Variants in NAALADL2 observed in about 807,000 individuals in gnomAD.
NAALADL2 encodes N-acetylated alpha-linked acidic dipeptidase like 2, also known as inactive N-acetylated-alpha-linked acidic dipeptidase-like protein 2.
A neutral mutation model predicts 87.2 loss-of-function variants in NAALADL2; 76 were observed. The ratio of observed to expected loss-of-function variants is 0.87; its 90% CI spans 0.72 to 1.05. NAALADL2 has a LOEUF of 1.05. Among genes scored for constraint, NAALADL2 ranks in the 50% least tolerant of loss-of-function variants. The pLI is 0.00. For synonymous variants in NAALADL2, 354 were observed against 331.0 expected, an observed-to-expected ratio of 1.07 and a Z score of -0.75; for missense variants, 1,089 against 945.8, an observed-to-expected ratio of 1.15 and a Z score of -1.99.
At chr3:175,454,370 G>A (rs1289977727) in intron 6 of NAALADL2, among the ~76,000 whole-genome samples, 1 of 152,020 alleles carries the variant, frequency 6.6e-6, no homozygotes, top group Non-Finnish European at 1.5e-5. Flanking sequence ...ACTTCTTAGA[G>A]ATGCCATGCC....
intron 2 of NAALADL2, among the ~76,000 whole-genome samples, chr3:174,679,101 A>T (rs867049131): frequency 6.6e-6 from 1 of 152,070 alleles, no homozygotes; most frequent in Non-Finnish European, 1.5e-5. Context: ...ATGAGTTCTG[A>T]TAAATTCTCA....
intron 4 of NAALADL2, among the ~76,000 whole-genome samples, chr3:175,292,162 G>A (rs1755718328): frequency 6.6e-6 from 1 of 152,126 alleles, no homozygotes; most frequent in African/African-American, 2.4e-5. Flanking sequence ...AATGCACCAG[G>A]CATCAGTCTG....
chr3:174,924,738 T>G (rs986659157), intron 1 of NAALADL2, among the ~76,000 whole-genome samples: 1 of 152,190 alleles, frequency 6.6e-6, no homozygotes, highest in Non-Finnish European at 1.5e-5. Flanking sequence ...TTCCTGACTT[T>G]GTAATGATCA....
chr3:174,977,194 C>T (rs1408822640), intron 1 of NAALADL2, among the ~76,000 whole-genome samples: 1 of 152,178 alleles, frequency 6.6e-6, no homozygotes, highest in Non-Finnish European at 1.5e-5. Flanking sequence ...ATGTTGAACT[C>T]ATAGAAGTAG....
intron 2 of NAALADL2, chr3:175,218,091 A>G (rs772638361): frequency 1.3e-4 from 59 of 439,726 alleles, no homozygotes; most frequent in Non-Finnish European, 2.2e-4. Context: ...AATGAAGCAC[A>G]CTGGATGAAT....
chr3:174,707,516 A>G (rs1188611441), intron 2 of NAALADL2, among the ~76,000 whole-genome samples: 1 of 152,068 alleles, frequency 6.6e-6, no homozygotes, highest in African/African-American at 2.4e-5. Flanking sequence ...TGAAGCTGGA[A>G]ACCATCATTC....
chr3:175,595,341 G>A (rs1722107089), intron 10 of NAALADL2, among the ~76,000 whole-genome samples: 1 of 151,966 alleles, frequency 6.6e-6, no homozygotes, highest in African/African-American at 2.4e-5. Flanking sequence ...TTTCTATTCT[G>A]TTCCATTGGT....
At chr3:175,125,287 C>G (rs550765899) in intron 2 of NAALADL2, among the ~76,000 whole-genome samples, 1 of 151,748 alleles carries the variant, frequency 6.6e-6, no homozygotes, top group South Asian at 2.1e-4. Flanking sequence ...CATTGTAAGT[C>G]GAGTTTGTTT....
intron 5 of NAALADL2, among the ~76,000 whole-genome samples, chr3:175,333,924 C>A (rs1025088671): frequency 6.6e-6 from 1 of 152,072 alleles, no homozygotes; most frequent in Admixed American, 6.5e-5. Context: ...ATGCATGTAA[C>A]AAAATATCAC....
intron 1 of NAALADL2, among the ~76,000 whole-genome samples, chr3:174,518,330 C>G (rs565094473): frequency 3.3e-5 from 5 of 152,238 alleles, no homozygotes; most frequent in African/African-American, 1.2e-4. Flanking sequence ...TTAATACTTT[C>G]TGTTTAATAC....
intron 1 of NAALADL2, among the ~76,000 whole-genome samples, chr3:174,983,484 C>T (rs557085974): frequency 6.6e-5 from 10 of 152,210 alleles, no homozygotes; most frequent in South Asian, 6.2e-4. Flanking sequence ...ACCTTATAAA[C>T]GATGGAAATA....
chr3:175,718,482 G>A (rs577899833), intron 11 of NAALADL2: 48 of 1,584,480 alleles, frequency 3.0e-5, no homozygotes, highest in Middle Eastern at 1.9e-4. Context: ...CTGTATATTC[G>A]GTTTTCATAA....
chr3:175,009,181 A>G (rs1196305582), intron 1 of NAALADL2, among the ~76,000 whole-genome samples: 2 of 152,146 alleles, frequency 1.3e-5, no homozygotes. Context: ...AAGAATTTTC[A>G]TTTCTAACAC....
At chr3:174,490,325 C>T (rs568362365) in intron 1 of NAALADL2, among the ~76,000 whole-genome samples, 1 of 152,012 alleles carries the variant, frequency 6.6e-6, no homozygotes, top group Non-Finnish European at 1.5e-5. Flanking sequence ...GTGTGATTTC[C>T]ATTTATATAA....
chr3:174,807,380 A>G (rs190359423), intron 3 of NAALADL2, among the ~76,000 whole-genome samples: 4 of 152,220 alleles, frequency 2.6e-5, no homozygotes, highest in Admixed American at 6.6e-5. Flanking sequence ...TGCTCATACG[A>G]TGCACTTAGC....
At chr3:175,248,138 G>A (rs1748341373) in intron 3 of NAALADL2, among the ~76,000 whole-genome samples, 1 of 152,026 alleles carries the variant, frequency 6.6e-6, no homozygotes, top group Non-Finnish European at 1.5e-5. Context: ...AATTATATGG[G>A]GAAAAATCCG....
At chr3:175,151,300 C>A (rs73176781) in intron 2 of NAALADL2, among the ~76,000 whole-genome samples, 2,139 of 152,276 alleles carry the variant, frequency 0.014, 19 homozygotes, top group Non-Finnish European at 0.019. Flanking sequence ...TTCTTATTCA[C>A]AGAGCAACCA....
At chr3:174,765,754 A>T (rs1427087274) in intron 3 of NAALADL2, among the ~76,000 whole-genome samples, 1 of 152,212 alleles carries the variant, frequency 6.6e-6, no homozygotes. Flanking sequence ...TGACAAAATG[A>T]TAACATGAGA....
intron 2 of NAALADL2, among the ~76,000 whole-genome samples, chr3:174,655,186 A>T (rs1018837701): frequency 6.6e-6 from 1 of 152,388 alleles, no homozygotes; most frequent in South Asian, 2.1e-4. Flanking sequence ...ACTAACAAAG[A>T]GTAAATTCTT....
Sources: gnomAD v4.1 joint callset for allele counts (sites outside exome capture counted in the v4.1 genomes callset) on GRCh38, gnomAD v4.1.1 for gene constraint, MANE v1.5 for transcripts, NCBI Gene and HGNC (gene_info 2026-07-23, HGNC 2026-07-21) for gene names.